Variants in SLC8A1 observed in about 807,000 individuals in gnomAD.
SLC8A1 encodes sodium/calcium exchanger 1.
Under a neutral mutation model 68.3 loss-of-function variants are expected in SLC8A1, and 18 were observed. That is an observed-to-expected ratio of 0.26 (90% CI 0.18 to 0.39). SLC8A1 has a LOEUF of 0.39. SLC8A1 is among the 10% of genes least tolerant of loss of function. The pLI is 1.00. For synonymous variants in SLC8A1, 475 were observed against 415.5 expected, an observed-to-expected ratio of 1.14 and a Z score of -1.74; for missense variants, 985 against 1,156.7, an observed-to-expected ratio of 0.85 and a Z score of 2.15.
chr2:40,280,264 A>AAG (rs1313199559), intron 2 of SLC8A1, among the ~76,000 whole-genome samples: 3 of 151,346 alleles, frequency 2.0e-5, no homozygotes, highest in Admixed American at 2.0e-4. Flanking sequence ...AAAAAAAAAA[A>AAG]AAAAAAAAAG....
chr2:40,194,399 G>T (rs1338486767), intron 2 of SLC8A1, among the ~76,000 whole-genome samples: 1 of 151,784 alleles, frequency 6.6e-6, no homozygotes, highest in African/African-American at 2.4e-5. Flanking sequence ...ACAAGTTGAG[G>T]TGTGGGAAAG....
chr2:40,156,219 C>G (rs2044452506), intron 6 of SLC8A1, among the ~76,000 whole-genome samples: 1 of 152,164 alleles, frequency 6.6e-6, no homozygotes, highest in Non-Finnish European at 1.5e-5. Flanking sequence ...ACAGAGCTCC[C>G]ATGTTTCAGT....
intron 2 of SLC8A1, among the ~76,000 whole-genome samples, chr2:40,232,250 A>G (rs1574420822): frequency 6.6e-6 from 1 of 152,166 alleles, no homozygotes; most frequent in African/African-American, 2.4e-5. Flanking sequence ...CTGGGCACCT[A>G]CACTGTAGAG....
chr2:40,360,088 A>C (rs188610901), intron 2 of SLC8A1, among the ~76,000 whole-genome samples: 8 of 152,282 alleles, frequency 5.3e-5, no homozygotes, highest in Non-Finnish European at 8.8e-5. Context: ...CATCCCAAAA[A>C]CCTTACAAGG....
chr2:40,209,024 C>G (rs922107582), intron 2 of SLC8A1: 1 of 151,794 alleles, frequency 6.6e-6, no homozygotes. Flanking sequence ...TGAGAACTAG[C>G]TACAGATCAG....
At chr2:40,403,686 T>C (rs1049139714) in intron 2 of SLC8A1, among the ~76,000 whole-genome samples, 1 of 152,220 alleles carries the variant, frequency 6.6e-6, no homozygotes, top group Admixed American at 6.5e-5. Context: ...TCAGCTAACT[T>C]GAATTTCAAC....
At chr2:40,128,891 C>T (rs1462704652) in intron 7 of SLC8A1, among the ~76,000 whole-genome samples, 3 of 152,266 alleles carry the variant, frequency 2.0e-5, no homozygotes, top group Non-Finnish European at 4.4e-5. Flanking sequence ...GAATCCATGA[C>T]ATTTTTATAT....
chr2:40,284,207 C>G (rs556119301), intron 2 of SLC8A1, among the ~76,000 whole-genome samples: 3 of 151,442 alleles, frequency 2.0e-5, no homozygotes, highest in Admixed American at 6.6e-5. Context: ...CAATATATCT[C>G]TATAAGTTGT....
At chr2:40,193,294 C>G (rs972991420) in intron 2 of SLC8A1, among the ~76,000 whole-genome samples, 1 of 152,094 alleles carries the variant, frequency 6.6e-6, no homozygotes, top group Non-Finnish European at 1.5e-5. Flanking sequence ...ATATGTTATT[C>G]CATTCAGCCA....
chr2:40,140,527 A>G (rs1261556899), intron 6 of SLC8A1, among the ~76,000 whole-genome samples: 4 of 152,228 alleles, frequency 2.6e-5, no homozygotes, highest in Non-Finnish European at 2.9e-5. Context: ...AACTTATTAG[A>G]AATTCAAATG....
intron 2 of SLC8A1, among the ~76,000 whole-genome samples, chr2:40,373,280 G>T (rs552317317): frequency 6.6e-6 from 1 of 152,160 alleles, no homozygotes; most frequent in Non-Finnish European, 1.5e-5. Flanking sequence ...AAGCTGTCTT[G>T]AATGATTTAC....
At chr2:40,236,805 A>C (rs1405220886) in intron 2 of SLC8A1, among the ~76,000 whole-genome samples, 1 of 150,932 alleles carries the variant, frequency 6.6e-6, no homozygotes, top group African/African-American at 2.4e-5. Context: ...GGTGGTGACA[A>C]AATCTCTCAG....
chr2:40,354,773 T>C (rs1672184595), intron 2 of SLC8A1, among the ~76,000 whole-genome samples: 1 of 152,168 alleles, frequency 6.6e-6, no homozygotes, highest in African/African-American at 2.4e-5. Context: ...GTTCTCACAT[T>C]TGACAATGTG....
chr2:40,141,055 T>C (rs2041467450), intron 6 of SLC8A1, among the ~76,000 whole-genome samples: 1 of 152,224 alleles, frequency 6.6e-6, no homozygotes, highest in Admixed American at 6.5e-5. Flanking sequence ...GTGGCCATTT[T>C]GGAAAGAAGA....
chr2:40,416,347 C>G (rs957411035), intron 2 of SLC8A1, among the ~76,000 whole-genome samples: 2 of 152,068 alleles, frequency 1.3e-5, no homozygotes, highest in African/African-American at 4.8e-5. Context: ...CATAACTTAT[C>G]AAGACTCACT....
chr2:40,172,544 T>G (rs2047686428), intron 4 of SLC8A1, among the ~76,000 whole-genome samples: 1 of 151,950 alleles, frequency 6.6e-6, no homozygotes, highest in Non-Finnish European at 1.5e-5. Flanking sequence ...AGACAGATAT[T>G]ATAGAATTTG....
chr2:40,136,229 G>A (rs181173927), intron 7 of SLC8A1, among the ~76,000 whole-genome samples: 135 of 152,226 alleles, frequency 8.9e-4, no homozygotes, highest in African/African-American at 3.0e-3. Flanking sequence ...TCACAGGCAC[G>A]GGTCTTCAAG....
At chr2:40,305,656 T>C (rs1046388143) in intron 2 of SLC8A1, among the ~76,000 whole-genome samples, 1 of 152,194 alleles carries the variant, frequency 6.6e-6, no homozygotes, top group Admixed American at 6.5e-5. Context: ...TATAACAGTT[T>C]ACCTTTCTGA....
rs539518387 is a variant in SLC8A1 at position 40,228,610 on chromosome 2, T to C, written c.1809-50755A>G. On this transcript the variant is annotated intron_variant, in intron 2 of 7. Transcript: ENST00000406785. ...CATTTAATGAAAGACCCCCAGGTCT[T>C]CACTGTGGGCCAACTCCATTACTGC... Among the ~76,000 whole-genome samples, 8 of 152,304 alleles carry C rather than the reference T, an allele frequency of 5.3e-5. No homozygotes were observed. The South Asian group carries it at 1.2e-3, about 24-fold the overall frequency.
Sources: allele counts gnomAD v4.1 joint callset (sites outside exome capture counted in the v4.1 genomes callset), GRCh38; gene constraint gnomAD v4.1.1; transcripts MANE v1.5; gene names NCBI Gene and HGNC (gene_info 2026-07-23, HGNC 2026-07-21).